The following ASIC2 variants were observed in gnomAD, a reference collection of about 807,000 sequenced individuals.
The protein encoded by ASIC2 is acid sensing ion channel subunit 2, also known as acid-sensing ion channel 2.
ASIC2 carries 25 observed loss-of-function variants against 57.3 expected under a neutral mutation model. The observed-to-expected ratio is 0.44, with a 90% CI of 0.32 to 0.61. The LOEUF (loss-of-function observed/expected upper bound fraction) is 0.61. Among genes scored for constraint, ASIC2 ranks in the 20% least tolerant of loss-of-function variants. The probability of loss-of-function intolerance (pLI) is 0.06; values close to 1 mark genes in which losing one functional copy is unlikely to be tolerated. For missense variants in ASIC2, 641 were observed against 738.1 expected (o/e 0.87, Z 1.52); for synonymous variants, 319 against 307.5 (o/e 1.04, Z -0.39).
chr17:33,660,783 G>A (rs1416993007), intron 1 of ASIC2, among the ~76,000 whole-genome samples: 4 of 152,190 alleles, frequency 2.6e-5, no homozygotes, highest in Admixed American at 1.3e-4. Flanking sequence ...AACCACTGTC[G>A]TTAATGCGGT....
rs1437289508 is a variant in ASIC2, at chr17:34,039,538, A to G, written c.555+116440T>C. 1.7e-5 allele frequency: 27 copies of G among 1,613,836 alleles called. No homozygotes were observed. The South Asian group carries it at 2.4e-4, about 14-fold the overall frequency. On this transcript the variant is annotated intron_variant, in intron 1 of 9. Coordinates refer to the ASIC2 transcript ENST00000359872. The stretch of plus-strand genomic sequence containing the variant: ...TAAGGGATTGGATAAGGAATGTTGC[A>G]GTGAGGATCGTGCAACTGGTGGAAC...
intron 1 of ASIC2, among the ~76,000 whole-genome samples, chr17:33,928,347 G>A (rs1915865852): frequency 6.6e-6 from 1 of 152,194 alleles, no homozygotes; most frequent in Non-Finnish European, 1.5e-5. Context: ...GGGGGGCAGG[G>A]GCACTTCAGG....
intron 1 of ASIC2, among the ~76,000 whole-genome samples, chr17:33,703,411 G>A (rs1908768768): frequency 6.6e-6 from 1 of 151,766 alleles, no homozygotes; most frequent in African/African-American, 2.4e-5. Flanking sequence ...GCAGTGCAGT[G>A]GCATGATCTC....
At chr17:33,089,131 C>A (rs772170547) in intron 2 of ASIC2, 141 bp from the exon 3 acceptor site, 3 of 1,145,042 alleles carry the variant, frequency 2.6e-6, no homozygotes, top group Non-Finnish European at 3.6e-6. Context: ...CACATCCCCA[C>A]CTCCAGAAAC....
chr17:33,728,355 C>T (rs1909628986), intron 1 of ASIC2, among the ~76,000 whole-genome samples: 1 of 152,072 alleles, frequency 6.6e-6, no homozygotes, highest in African/African-American at 2.4e-5. Flanking sequence ...TAAAATTGTA[C>T]CCTGATTTGG....
At chr17:33,219,574 C>T (rs775941933) in intron 1 of ASIC2, among the ~76,000 whole-genome samples, 1 of 152,146 alleles carries the variant, frequency 6.6e-6, no homozygotes. Flanking sequence ...AAAAATTGAA[C>T]CTGAGTTCTT....
chr17:33,672,474 A>C (rs1409325712), intron 1 of ASIC2, among the ~76,000 whole-genome samples: 1 of 151,810 alleles, frequency 6.6e-6, no homozygotes, highest in Non-Finnish European at 1.5e-5. Flanking sequence ...TCACCCAAAC[A>C]TGTCTGAGAT....
At chr17:33,466,412 T>G (rs957280573) in intron 1 of ASIC2, among the ~76,000 whole-genome samples, 2 of 152,186 alleles carry the variant, frequency 1.3e-5, no homozygotes, top group African/African-American at 4.8e-5. Context: ...ATGGCCATAC[T>G]GCCCAAGGTA....
intron 1 of ASIC2, chr17:34,155,970 G>C (rs1904704710): frequency 6.3e-7 from 1 of 1,595,470 alleles, no homozygotes; most frequent in Non-Finnish European, 8.5e-7. Flanking sequence ...TGAAAACCAA[G>C]TACTCACTGT....
At position 33,015,967 on chromosome 17, in the gene ASIC2, T is replaced by A; in HGVS notation, c.1590+4A>T. 6.2e-7 allele frequency: 1 copy of A among 1,614,082 alleles called. No homozygotes were observed. The highest frequency in any genetic ancestry group is 8.5e-7 in the Non-Finnish European group (1 of 1,179,930). On this transcript the variant is annotated splice_donor_region_variant and intron_variant, in intron 9 of 9. Coordinates refer to ENST00000225823, the MANE Select transcript of ASIC2 (RefSeq NM_183377.2). ...ACAACTTCCAATCAGTGAGCTGCTCTTACCACATTCTCATCGTGGCTCCCT... is the reference window on the plus strand; with the variant it reads ...ACAACTTCCAATCAGTGAGCTGCTCATACCACATTCTCATCGTGGCTCCCT...
At chr17:33,598,392 G>A (rs1221507693) in intron 1 of ASIC2, among the ~76,000 whole-genome samples, 1 of 152,150 alleles carries the variant, frequency 6.6e-6, no homozygotes, top group African/African-American at 2.4e-5. Context: ...AGTGTTTGCA[G>A]GTTATTCCAT....
At chr17:33,091,435 A>G (rs1428410958) in intron 2 of ASIC2, among the ~76,000 whole-genome samples, 1 of 152,230 alleles carries the variant, frequency 6.6e-6, no homozygotes, top group Non-Finnish European at 1.5e-5. Context: ...CTTGTTTTCG[A>G]GAGCTAGCTG....
At chr17:33,982,184 T>C (rs1905650360) in intron 1 of ASIC2, among the ~76,000 whole-genome samples, 1 of 152,226 alleles carries the variant, frequency 6.6e-6, no homozygotes, top group South Asian at 2.1e-4. Context: ...TCCCCAGCCG[T>C]AATTACCACT....
intron 1 of ASIC2, among the ~76,000 whole-genome samples, chr17:34,115,510 G>T (rs1401142679): frequency 6.6e-6 from 1 of 152,182 alleles, no homozygotes; most frequent in East Asian, 1.9e-4. Context: ...ATTCTCAACA[G>T]ATGTTGAAGA....
chr17:33,539,992 C>T (rs569952187), intron 1 of ASIC2, among the ~76,000 whole-genome samples: 117 of 152,316 alleles, frequency 7.7e-4, no homozygotes, highest in African/African-American at 2.7e-3. Context: ...GAACTCAGCA[C>T]TTGTGTTCAT....
At chr17:33,519,970 T>C (rs1914692000) in intron 1 of ASIC2, among the ~76,000 whole-genome samples, 1 of 152,206 alleles carries the variant, frequency 6.6e-6, no homozygotes, top group Non-Finnish European at 1.5e-5. Context: ...GAGAAAACAA[T>C]TTTTATGACT....
intron 1 of ASIC2, among the ~76,000 whole-genome samples, chr17:34,131,457 AG>A (rs1470309458): frequency 3.3e-5 from 5 of 152,202 alleles, no homozygotes; most frequent in Non-Finnish European, 5.9e-5. Context: ...TTTGGCCATC[AG>A]GACCTATAAA....
chr17:33,810,438 A>T (rs762446639), intron 1 of ASIC2, among the ~76,000 whole-genome samples: 1 of 152,204 alleles, frequency 6.6e-6, no homozygotes, highest in African/African-American at 2.4e-5. Context: ...GGCATCAGTA[A>T]TTCTTGTTCT....
Position 33,014,879 on chromosome 17 carries a change from G to A in ASIC2, c.1591-813C>T, listed in dbSNP as rs182131270. Among the ~76,000 whole-genome samples the A allele has an allele frequency of 2.6e-5, 4 of 152,318 alleles. No homozygotes were observed. The South Asian group carries it at 6.2e-4, about 24-fold the overall frequency. On this transcript the variant is annotated intron_variant, in intron 9 of 9. Transcript: ENST00000225823. ...TGCTGTGCTGACTGCTTTGCCGGCAGGATCTCACTGAACTCGGATGACAGC... is the reference window on the plus strand; with the variant it reads ...TGCTGTGCTGACTGCTTTGCCGGCAAGATCTCACTGAACTCGGATGACAGC...
Sources: allele counts gnomAD v4.1 joint callset (sites outside exome capture counted in the v4.1 genomes callset), GRCh38; gene constraint gnomAD v4.1.1; transcripts MANE v1.5; gene names NCBI Gene and HGNC (gene_info 2026-07-23, HGNC 2026-07-21).